The following ERGIC2 variants were observed in gnomAD, a reference collection of about 807,000 sequenced individuals.
ERGIC2 encodes the protein ERGIC and golgi 2, also known as endoplasmic reticulum-Golgi intermediate compartment protein 2.
Under a neutral mutation model 52.5 loss-of-function variants are expected in ERGIC2, and 31 were observed. The ratio of observed to expected loss-of-function variants is 0.59; its 90% CI spans 0.44 to 0.80. The LOEUF is 0.80. ERGIC2 is among the 30% of genes least tolerant of loss of function. ERGIC2 has a pLI of 0.00. For synonymous variants in ERGIC2, 129 were observed against 140.6 expected (o/e 0.92, Z 0.58); for missense variants, 395 against 455.2 (o/e 0.87, Z 1.20).
chr12:29,355,803 G>C (rs1464148630), intron 8 of ERGIC2, among the ~76,000 whole-genome samples: 1 of 152,118 alleles, frequency 6.6e-6, no homozygotes, highest in African/African-American at 2.4e-5. Flanking sequence ...CTGGCAAGTA[G>C]AAGGCTGTAA....
intron 9 of ERGIC2, 49 bp downstream of exon 9, chr12:29,349,964 A>G (rs1940108874): frequency 1.7e-6 from 2 of 1,183,386 alleles, no homozygotes; most frequent in Non-Finnish European, 2.5e-6. Context: ...TTTAAAAATA[A>G]TATTTTTTCA....
At chr12:29,376,054 C>T (rs1286085737) in intron 1 of ERGIC2, among the ~76,000 whole-genome samples, 2 of 152,186 alleles carry the variant, frequency 1.3e-5, no homozygotes, top group East Asian at 3.8e-4. Flanking sequence ...ATTTCTGAGA[C>T]TCACAGGTTA....
At chr12:29,356,235 C>A (rs1177594672) in intron 8 of ERGIC2, 147 bp downstream of exon 8, 1 of 493,840 alleles carries the variant, frequency 2.0e-6, no homozygotes, top group African/African-American at 2.0e-5. Flanking sequence ...GTTGGGAAGG[C>A]AGTTCTTGAA....
At chr12:29,366,242 G>A (rs995661232) in intron 5 of ERGIC2, among the ~76,000 whole-genome samples, 1 of 151,944 alleles carries the variant, frequency 6.6e-6, no homozygotes, top group Non-Finnish European at 1.5e-5. Context: ...TTTAGGGCTA[G>A]TTCTGATCAT....
chr12:29,352,192 T>C (rs1399284734), intron 8 of ERGIC2, among the ~76,000 whole-genome samples: 2 of 152,212 alleles, frequency 1.3e-5, no homozygotes, highest in Non-Finnish European at 2.9e-5. Context: ...GAGAGTCATA[T>C]ATGGTCTCTG....
chr12:29,346,745 G>C lies in ERGIC2; in HGVS notation c.728-1205C>G, dbSNP rs148466739. On this transcript the variant is annotated intron_variant, in intron 10 of 13. Coordinates refer to ENST00000360150, the MANE Select transcript of ERGIC2 (RefSeq NM_016570.3). The stretch of plus-strand genomic sequence containing the variant: ...ACAGTCATTAGGCATCTCTAAGTTT[G>C]ACACAAGTTTTAAATACCAGAATAT... Among the ~76,000 whole-genome samples the C allele has an allele frequency of 1.5e-4, 23 of 152,192 alleles. No individual in the cohort carries two copies. In the East Asian group the frequency reaches 4.3e-3, roughly 28 times the overall value.
At chr12:29,360,253 G>A (rs993337009) in intron 6 of ERGIC2, among the ~76,000 whole-genome samples, 7 of 151,740 alleles carry the variant, frequency 4.6e-5, no homozygotes, top group African/African-American at 1.7e-4. Flanking sequence ...ACACAAACAT[G>A]TACAGAATTA....
At chr12:29,372,126 G>T (rs12811415) in intron 1 of ERGIC2, among the ~76,000 whole-genome samples, 1 of 152,054 alleles carries the variant, frequency 6.6e-6, no homozygotes, top group South Asian at 2.1e-4. Flanking sequence ...GATCATCTGA[G>T]GTCAGGAGTT....
chr12:29,376,407 C>T (rs543708538), intron 1 of ERGIC2, among the ~76,000 whole-genome samples: 1 of 152,092 alleles, frequency 6.6e-6, no homozygotes, highest in Admixed American at 6.6e-5. Flanking sequence ...GCTTCTCCCC[C>T]ACTCCATTAT....
chr12:29,351,778 A>G (rs1392228788), intron 8 of ERGIC2, among the ~76,000 whole-genome samples: 1 of 152,192 alleles, frequency 6.6e-6, no homozygotes, highest in Non-Finnish European at 1.5e-5. Flanking sequence ...GAGGCACTTA[A>G]AGATTACAGC....
chr12:29,375,959 C>T (rs1940509215), intron 1 of ERGIC2, among the ~76,000 whole-genome samples: 1 of 152,200 alleles, frequency 6.6e-6, no homozygotes, highest in Non-Finnish European at 1.5e-5. Context: ...CCAATAACTT[C>T]TAGCTTTTCT....
intron 10 of ERGIC2, among the ~76,000 whole-genome samples, chr12:29,348,748 T>G (rs1940092622): frequency 6.6e-6 from 1 of 151,968 alleles, no homozygotes; most frequent in Non-Finnish European, 1.5e-5. Flanking sequence ...TTTTTTTCAT[T>G]CTTATTCTTT....
chr12:29,356,002 ATTTAT>A (rs1357925515), intron 8 of ERGIC2, among the ~76,000 whole-genome samples: 1 of 151,872 alleles, frequency 6.6e-6, no homozygotes, highest in Non-Finnish European at 1.5e-5. Context: ...AGTTAGCTGT[ATTTAT>A]TTGATTAGCA....
chr12:29,361,181 G>A lies in ERGIC2; in HGVS notation c.374+464C>T, dbSNP rs181211470. Among the ~76,000 whole-genome samples the A allele has an allele frequency of 3.0e-4, 46 of 152,276 alleles. No individual in the cohort carries two copies. The East Asian group carries it at 8.7e-3, about 29-fold the overall frequency. ...GCAGGAGAATCGCTTCAACCTGTGAGGTGGGGGTTGCAGTGAGCCAAGATT... is the reference window on the plus strand; with the variant it reads ...GCAGGAGAATCGCTTCAACCTGTGAAGTGGGGGTTGCAGTGAGCCAAGATT... On this transcript the variant is annotated intron_variant, in intron 6 of 13. Coordinates refer to ENST00000360150, the MANE Select transcript of ERGIC2 (RefSeq NM_016570.3).
chr12:29,361,119 G>A (rs1257164215), intron 6 of ERGIC2, among the ~76,000 whole-genome samples: 1 of 152,044 alleles, frequency 6.6e-6, no homozygotes, highest in Non-Finnish European at 1.5e-5. Flanking sequence ...ATGGTGGTGT[G>A]TGCCTGTAGT....
rs1034747716 is a variant in ERGIC2, at chr12:29,350,949, T to C, written c.573-881A>G. Among the ~76,000 whole-genome samples the C allele has an allele frequency of 2.0e-5, 3 of 152,130 alleles. No individual in the cohort carries two copies. In the South Asian group the frequency reaches 6.2e-4, roughly 31 times the overall value. On this transcript the variant is annotated intron_variant, in intron 8 of 13. Coordinates refer to ENST00000360150, the MANE Select transcript of ERGIC2 (RefSeq NM_016570.3). The stretch of plus-strand genomic sequence containing the variant: ...AAATATTGGTTTTCCCTTATACTTT[T>C]AGGCTAAATTCATTAAACATTATTA...
intron 6 of ERGIC2, among the ~76,000 whole-genome samples, chr12:29,360,849 G>GT (rs1565540866): frequency 6.6e-6 from 1 of 151,574 alleles, no homozygotes; most frequent in Non-Finnish European, 1.5e-5. Context: ...GGGCCACACT[G>GT]TAAGAAGAAT....
rs867759864 is a variant in ERGIC2 at position 29,371,623 on chromosome 12, A to G, written c.11T>C (p.Leu4Pro). MRR[L>P]NRKKTLSLVK... is the part of the protein sequence containing the mutation. ...CAAACTTAAAGTTTTTTTCCGATTC[A>G]GTCGCCTCATCTTCAGGAAAACCTT... Residue 4 changes from leucine to proline, a missense_variant, in exon 2 of 14, where the codon CTG becomes CCG. By Grantham distance (98) the Leu-to-Pro change is moderately conservative (BLOSUM62 -3). Coordinates refer to ENST00000360150, the MANE Select transcript of ERGIC2 (RefSeq NM_016570.3). 3 of 1,612,882 alleles carry G rather than the reference A, an allele frequency of 1.9e-6. No homozygotes were observed. The highest frequency in any genetic ancestry group is 2.5e-6 in the Non-Finnish European group (3 of 1,179,276).
At position 29,370,212 on chromosome 12, in the gene ERGIC2, T is replaced by C; in HGVS notation, c.117A>G (p.Ile39Met). ...TSASGGTVSL[I>M]AFTTMALLTI... ...TTAATAAAGCCATAGTTGTAAATGC[T>C]ATTAGAGAAACTGGGAAATCCAACA... The change falls in exon 3 of 14, where the codon ATA (isoleucine) becomes ATG (methionine). Residue 39 changes from isoleucine (I) to methionine (M), a missense_variant. Coordinates refer to ENST00000360150, the MANE Select transcript of ERGIC2 (RefSeq NM_016570.3). 1 of 1,541,246 alleles carries C rather than the reference T, an allele frequency of 6.5e-7. No homozygotes were observed. The highest frequency in any genetic ancestry group is 8.7e-7 in the Non-Finnish European group (1 of 1,155,894).
Sources: allele counts gnomAD v4.1 joint callset (sites outside exome capture counted in the v4.1 genomes callset), GRCh38; gene constraint gnomAD v4.1.1; transcripts MANE v1.5; gene names NCBI Gene and HGNC (gene_info 2026-07-23, HGNC 2026-07-21).